Variants in SAMMSON observed in about 807,000 individuals in gnomAD.
SAMMSON encodes survival associated mitochondrial melanoma specific oncogenic non-coding RNA.
intron 4 of SAMMSON, among the ~76,000 whole-genome samples, chr3:70,113,365 T>C (rs1386249515): frequency 6.6e-6 from 1 of 152,206 alleles, no homozygotes; most frequent in Non-Finnish European, 1.5e-5. Context: ...GAGTAAATAA[T>C]GGGCTGGGTC....
At chr3:70,072,971 G>T (rs1230445269) in intron 4 of SAMMSON, among the ~76,000 whole-genome samples, 1 of 152,002 alleles carries the variant, frequency 6.6e-6, no homozygotes, top group Non-Finnish European at 1.5e-5. Flanking sequence ...AGTGAGCTTT[G>T]GCCTCTGTGG....
At chr3:70,278,011 G>A (rs924897109) in intron 6 of SAMMSON, among the ~76,000 whole-genome samples, 6 of 152,134 alleles carry the variant, frequency 3.9e-5, no homozygotes, top group East Asian at 3.9e-4. Context: ...ACATTGATCC[G>A]TTTTTACAAA....
chr3:70,419,263 G>A (rs1370873297), intron 2 of SAMMSON, among the ~76,000 whole-genome samples: 2 of 151,762 alleles, frequency 1.3e-5, no homozygotes, highest in Non-Finnish European at 2.9e-5. Context: ...GAACTCCTGG[G>A]CTCAGGCGAT....
chr3:70,111,721 A>C (rs1476946331), intron 4 of SAMMSON, among the ~76,000 whole-genome samples: 1 of 152,184 alleles, frequency 6.6e-6, no homozygotes, highest in Non-Finnish European at 1.5e-5. Flanking sequence ...AGAGAGTATA[A>C]ATAACAGAAC....
At chr3:70,223,430 A>G (rs1280165025) in intron 4 of SAMMSON, among the ~76,000 whole-genome samples, 4 of 152,160 alleles carry the variant, frequency 2.6e-5, no homozygotes, top group East Asian at 3.9e-4. Context: ...TTGAGCCTAC[A>G]TATGTTTAAG....
At chr3:70,254,318 A>C (rs1021385024) in intron 6 of SAMMSON, among the ~76,000 whole-genome samples, 4 of 152,172 alleles carry the variant, frequency 2.6e-5, no homozygotes, top group Non-Finnish European at 5.9e-5. Flanking sequence ...TCAACCCCAA[A>C]CATTCTAAAA....
At chr3:70,000,201 C>A (rs1020471364) in intron 1 of SAMMSON, among the ~76,000 whole-genome samples, 8 of 152,166 alleles carry the variant, frequency 5.3e-5, no homozygotes, top group Non-Finnish European at 1.0e-4. Flanking sequence ...GCTTCGGGAG[C>A]TGTAAACAGT....
intron 4 of SAMMSON, chr3:70,206,896 T>A (rs923965403): frequency 2.5e-6 from 1 of 395,246 alleles, no homozygotes; most frequent in Admixed American, 4.4e-5. Flanking sequence ...AAGATTAAAG[T>A]CTTAAGAAAA....
chr3:70,428,223 C>A (rs1046753880), intron 2 of SAMMSON, among the ~76,000 whole-genome samples: 20 of 152,080 alleles, frequency 1.3e-4, no homozygotes, highest in African/African-American at 4.1e-4. Flanking sequence ...TGTTAACAGA[C>A]TTTTTGTAGA....
At chr3:70,197,659 T>C (rs1559532891) in intron 4 of SAMMSON, among the ~76,000 whole-genome samples, 1 of 152,232 alleles carries the variant, frequency 6.6e-6, no homozygotes, top group Non-Finnish European at 1.5e-5. Context: ...TTCCCATAAA[T>C]CTGCCACACC....
intron 9 of SAMMSON, among the ~76,000 whole-genome samples, chr3:70,380,819 TTGC>T (rs1703059895): frequency 6.6e-6 from 1 of 152,144 alleles, no homozygotes; most frequent in Non-Finnish European, 1.5e-5. Context: ...TTGCGATAGT[TTGC>T]TGAGAATGAT....
chr3:70,327,554 A>G lies in SAMMSON; in HGVS notation n.740-26621A>G, dbSNP rs74907668. ...AGGCTGCAAGGAGAGCAAACAATCA[A>G]GTCTTCAGCAAAATATGGCTCAATC... is the stretch of plus-strand genomic sequence containing the variant. On this transcript the variant is annotated intron_variant and non_coding_transcript_variant, in intron 7 of 9. Coordinates refer to ENST00000642114, the Ensembl canonical transcript of SAMMSON. 5.2e-3 allele frequency among the ~76,000 whole-genome samples: 787 copies of G among 152,276 alleles called. 10 individuals are homozygous for G. Among genetic ancestry groups the G allele is most frequent in the African/African-American group, 0.017 (720 of 41,558 alleles).
At chr3:70,348,189 G>T (rs753342793) in intron 7 of SAMMSON, among the ~76,000 whole-genome samples, 1 of 152,162 alleles carries the variant, frequency 6.6e-6, no homozygotes, top group African/African-American at 2.4e-5. Flanking sequence ...GTCAGAATAG[G>T]CCTCATTGAT....
At chr3:70,356,354 G>A (rs530651466) in intron 8 of SAMMSON, among the ~76,000 whole-genome samples, 90 of 152,106 alleles carry the variant, frequency 5.9e-4, no homozygotes, top group Admixed American at 1.9e-3. Flanking sequence ...TTCTTTCTGT[G>A]CCTACAAAAC....
intron 4 of SAMMSON, among the ~76,000 whole-genome samples, chr3:70,149,280 C>T (rs1299299796): frequency 6.6e-6 from 1 of 152,104 alleles, no homozygotes; most frequent in Non-Finnish European, 1.5e-5. Context: ...TTAAGCTTCT[C>T]TGGTCTGTTA....
chr3:70,326,187 C>T (rs1464173693), intron 7 of SAMMSON, among the ~76,000 whole-genome samples: 1 of 151,964 alleles, frequency 6.6e-6, no homozygotes, highest in Admixed American at 6.6e-5. Context: ...TTCTGCCATT[C>T]TTTCTGTCTT....
intron 7 of SAMMSON, among the ~76,000 whole-genome samples, chr3:70,346,096 T>C (rs1053010558): frequency 6.6e-6 from 1 of 152,182 alleles, no homozygotes; most frequent in Admixed American, 6.5e-5. Context: ...GTGTTCCCAC[T>C]AGGACTGAAG....
At chr3:70,362,611 A>G (rs1165301439) in intron 9 of SAMMSON, among the ~76,000 whole-genome samples, 1 of 150,336 alleles carries the variant, frequency 6.7e-6, no homozygotes, top group Admixed American at 6.6e-5. Context: ...AAAAAAAAAG[A>G]CCTACAAAGT....
intron 4 of SAMMSON, among the ~76,000 whole-genome samples, chr3:70,114,366 T>A (rs2067401691): frequency 6.6e-6 from 1 of 152,238 alleles, no homozygotes; most frequent in Admixed American, 6.5e-5. Flanking sequence ...TAGAAAATAT[T>A]TGATAAGTTT....
Sources: allele counts gnomAD v4.1 joint callset (sites outside exome capture counted in the v4.1 genomes callset), GRCh38; gene constraint gnomAD v4.1.1; transcripts MANE v1.5; gene names NCBI Gene and HGNC (gene_info 2026-07-23, HGNC 2026-07-21).